Variants in NEURL1 observed in about 807,000 individuals in gnomAD.
NEURL1 encodes neuralized E3 ubiquitin protein ligase 1, also known as E3 ubiquitin-protein ligase NEURL1.
NEURL1 carries 26 observed loss-of-function variants against 41.2 expected under a neutral mutation model. That is an observed-to-expected ratio of 0.63 (90% CI 0.46 to 0.87). NEURL1 has a LOEUF of 0.87. Among genes scored for constraint, NEURL1 ranks in the 40% least tolerant of loss-of-function variants. The pLI is 0.00. For missense variants in NEURL1, 761 were observed against 871.1 expected (o/e 0.87, Z 1.59); for synonymous variants, 400 against 402.3 (o/e 0.99, Z 0.07).
At position 103,536,046 on chromosome 10, in the gene NEURL1, C is replaced by T. The variant is rs146050285; in HGVS notation, c.86-34826C>T. ...TTGGTGCCTGTGAGAATTGCAGGGA[C>T]TCCAGTGGTGAGGTCTGTAGGTGGC... On this transcript the variant is annotated intron_variant, in intron 1 of 5. Coordinates refer to ENST00000369780, the MANE Select transcript of NEURL1 (RefSeq NM_004210.5). 1.6e-3 allele frequency among the ~76,000 whole-genome samples: 246 copies of T among 152,250 alleles called. 1 individual carries two copies. The highest frequency in any genetic ancestry group is 5.7e-3 in the African/African-American group (237 of 41,544).
intron 1 of NEURL1, among the ~76,000 whole-genome samples, chr10:103,538,218 C>T (rs2034737555): frequency 6.6e-6 from 1 of 151,996 alleles, no homozygotes; most frequent in Admixed American, 6.6e-5. Context: ...CCTCAGCCTC[C>T]TGAGTAGTTG....
chr10:103,498,298 G>A (rs1028512453), intron 1 of NEURL1, among the ~76,000 whole-genome samples: 3 of 152,176 alleles, frequency 2.0e-5, no homozygotes, highest in African/African-American at 7.2e-5. Flanking sequence ...CGCGATCTCG[G>A]CTCACTGCAA....
chr10:103,543,809 C>T (rs937865766), intron 1 of NEURL1, among the ~76,000 whole-genome samples: 21 of 151,936 alleles, frequency 1.4e-4, no homozygotes, highest in African/African-American at 4.8e-4. Context: ...GGACCAGTGC[C>T]AGGGAGGGGC....
At chr10:103,496,789 A>G (rs2033695666) in intron 1 of NEURL1, among the ~76,000 whole-genome samples, 1 of 152,212 alleles carries the variant, frequency 6.6e-6, no homozygotes, top group Non-Finnish European at 1.5e-5. Context: ...AGCTGGGGGC[A>G]GGGGTTAGTT....
At chr10:103,534,267 G>A (rs2034645822) in intron 1 of NEURL1, among the ~76,000 whole-genome samples, 1 of 149,374 alleles carries the variant, frequency 6.7e-6, no homozygotes, top group Admixed American at 6.7e-5. Flanking sequence ...TTCCCATTTG[G>A]GTCTCTTACT....
At chr10:103,583,202 A>G (rs2035820514) in intron 3 of NEURL1, among the ~76,000 whole-genome samples, 1 of 152,132 alleles carries the variant, frequency 6.6e-6, no homozygotes, top group African/African-American at 2.4e-5. Context: ...AAATTTTTGA[A>G]AATTTTGAAA....
At chr10:103,569,700 C>T (rs573206201) in intron 1 of NEURL1, among the ~76,000 whole-genome samples, 1 of 152,348 alleles carries the variant, frequency 6.6e-6, no homozygotes, top group East Asian at 1.9e-4. Flanking sequence ...CTGACCGCTT[C>T]CAAAGCTCTT....
chr10:103,590,357 C>G lies in NEURL1; in HGVS notation c.1710C>G (p.Thr570=). The change falls in exon 6 of 6, where the codon ACC becomes ACG. Residue 570 remains threonine, a synonymous_variant. Coordinates refer to ENST00000369780, the MANE Select transcript of NEURL1 (RefSeq NM_004210.5). ...CRRPIKDIIK[T]YRSS ...GCCCCATCAAGGACATCATCAAGAC[C>G]TACCGCAGCTCCTAGCCCGTTGCGG... The G allele has an allele frequency of 1.2e-6, 2 of 1,613,912 alleles. No individual in the cohort carries two copies. The highest frequency in any genetic ancestry group is 1.7e-6 in the Non-Finnish European group (2 of 1,179,854).
chr10:103,555,547 TG>T, intron 1 of NEURL1: 1 of 657,956 alleles, frequency 1.5e-6, no homozygotes, highest in Non-Finnish European at 2.1e-6. Context: ...TCTGGGGCTG[TG>T]TGGGGGCACC....
At chr10:103,551,192 G>A (rs1213992360) in intron 1 of NEURL1, among the ~76,000 whole-genome samples, 4 of 151,852 alleles carry the variant, frequency 2.6e-5, no homozygotes. Flanking sequence ...ACCAGTTGGT[G>A]TATAGTGGGC....
chr10:103,533,795 C>T (rs957144690), intron 1 of NEURL1, among the ~76,000 whole-genome samples: 29 of 152,110 alleles, frequency 1.9e-4, no homozygotes, highest in Non-Finnish European at 2.2e-4. Context: ...CTTGGCCTCC[C>T]AAAGTGCTGG....
intron 3 of NEURL1, among the ~76,000 whole-genome samples, chr10:103,583,185 A>G (rs536089867): frequency 6.6e-6 from 1 of 152,336 alleles, no homozygotes; most frequent in South Asian, 2.1e-4. Flanking sequence ...GAAGGAGCCC[A>G]GGAGTTAAAT....
chr10:103,552,235 G>A lies in NEURL1; in HGVS notation c.86-18637G>A, dbSNP rs11813924. ...AGTGACTTTCTGAAATGTGGGTCTGGTCTGTTGCCTCCCTGCTGCAGGACT... is the reference window on the plus strand; with the variant it reads ...AGTGACTTTCTGAAATGTGGGTCTGATCTGTTGCCTCCCTGCTGCAGGACT... On this transcript the variant is annotated intron_variant, in intron 1 of 5. Coordinates refer to ENST00000369780, the MANE Select transcript of NEURL1 (RefSeq NM_004210.5). 7.8e-3 allele frequency among the ~76,000 whole-genome samples: 1,190 copies of A among 152,218 alleles called. 10 individuals are homozygous for A. Among genetic ancestry groups the A allele is most frequent in the African/African-American group, 0.027 (1,107 of 41,516 alleles).
intron 1 of NEURL1, among the ~76,000 whole-genome samples, chr10:103,529,169 G>A (rs746963756): frequency 6.6e-6 from 1 of 152,118 alleles, no homozygotes; most frequent in Non-Finnish European, 1.5e-5. Context: ...TGCAAAATAA[G>A]CTTTAGTCTT....
rs1004242738 is a variant in NEURL1, at chr10:103,585,069, A to T, written c.1183A>T (p.Ser395Cys). 1 of 1,590,822 alleles carries T rather than the reference A, an allele frequency of 6.3e-7. No individual in the cohort carries two copies. Among genetic ancestry groups the T allele is most frequent in the Non-Finnish European group, 8.5e-7 (1 of 1,176,642 alleles). Residue 395 changes from serine to cysteine, a missense_variant, in exon 4 of 6, where the codon AGC becomes TGC. By Grantham distance (112) the Ser-to-Cys change is moderately radical (BLOSUM62 -1). This residue lies in a region of NEURL1 where 443 missense variants were observed against 408.1 expected (regional missense o/e 1.09). Transcript: ENST00000369780. ...GTGCCGCGTGCCCGGGCCCCTGCAC[A>T]GCGGCGACATCCTGGGCCTGGTGGT... ...AVCRVPGPLH[S>C]GDILGLVVNA...
chr10:103,515,028 G>A (rs1592187279), intron 1 of NEURL1, among the ~76,000 whole-genome samples: 1 of 152,106 alleles, frequency 6.6e-6, no homozygotes, highest in African/African-American at 2.4e-5. Context: ...AGGAGTTTGA[G>A]ACTGGCCTGG....
At chr10:103,505,652 A>C (rs2033929555) in intron 1 of NEURL1, among the ~76,000 whole-genome samples, 1 of 152,208 alleles carries the variant, frequency 6.6e-6, no homozygotes, top group Non-Finnish European at 1.5e-5. Context: ...GGCATGAGCC[A>C]CCATGTCCAG....
At chr10:103,562,766 T>A (rs554986827) in intron 1 of NEURL1, among the ~76,000 whole-genome samples, 1 of 151,904 alleles carries the variant, frequency 6.6e-6, no homozygotes, top group Non-Finnish European at 1.5e-5. Flanking sequence ...CTGGGAAAAA[T>A]CTACGTCCGA....
intron 1 of NEURL1, among the ~76,000 whole-genome samples, chr10:103,565,207 C>G (rs2133874637): frequency 6.6e-6 from 1 of 152,218 alleles, no homozygotes; most frequent in African/African-American, 2.4e-5. Flanking sequence ...CTGGGGCCTG[C>G]CACGTGACAG....
Sources: gnomAD v4.1 joint callset for allele counts (sites outside exome capture counted in the v4.1 genomes callset) on GRCh38, gnomAD v4.1.1 for gene constraint, gnomAD v4.1.1 regional missense constraint, MANE v1.5 for transcripts, NCBI Gene and HGNC (gene_info 2026-07-23, HGNC 2026-07-21) for gene names.